Variants in MEI4 observed in about 807,000 individuals in gnomAD.
The protein encoded by MEI4 is meiosis-specific protein MEI4.
MEI4 carries 27 observed loss-of-function variants against 31.4 expected under a neutral mutation model. The ratio of observed to expected loss-of-function variants is 0.86; its 90% confidence interval spans 0.63 to 1.19. MEI4 has a LOEUF of 1.19. Ranked by LOEUF, MEI4 falls within the 50% of genes most tolerant of loss-of-function variation. The pLI, the probability that MEI4 is intolerant of heterozygous loss-of-function variation, is 0.00. For missense variants in MEI4, 329 were observed against 398.9 expected (o/e 0.82, Z 1.49); for synonymous variants, 122 against 145.4 (o/e 0.84, Z 1.16).
At position 77,882,232 on chromosome 6, in the gene MEI4, A is replaced by AC. The variant is rs373096298; in HGVS notation, c.901-40850dup. Reference sequence around the variant, plus strand: ...TCTTCCCATGGAATCAGAGTGCATCACCCCCCCAGTGTATCAGTGTGTTCA... The same window carrying AC: ...TCTTCCCATGGAATCAGAGTGCATCACCCCCCCCAGTGTATCAGTGTGTTCA... On this transcript the variant is annotated intron_variant, in intron 4 of 4. Transcript: ENST00000684080. 2.1e-3 allele frequency among the ~76,000 whole-genome samples: 323 copies of AC among 151,940 alleles called. 1 individual carries two copies. Among genetic ancestry groups the AC allele is most frequent in the African/African-American group, 7.6e-3 (313 of 41,398 alleles).
intron 2 of MEI4, among the ~76,000 whole-genome samples, chr6:77,727,018 G>A (rs567458285): frequency 6.6e-6 from 1 of 152,314 alleles, no homozygotes; most frequent in East Asian, 1.9e-4. Context: ...AGGGGGACAT[G>A]TGTTTAATAA....
At chr6:77,766,124 A>C (rs1466486530) in intron 3 of MEI4, among the ~76,000 whole-genome samples, 1 of 152,232 alleles carries the variant, frequency 6.6e-6, no homozygotes, top group Non-Finnish European at 1.5e-5. Context: ...CCACAGCTAC[A>C]GCTTCCAGTT....
intron 1 of MEI4, among the ~76,000 whole-genome samples, chr6:77,659,379 G>T (rs2127641689): frequency 6.6e-6 from 1 of 152,138 alleles, no homozygotes; most frequent in Non-Finnish European, 1.5e-5. Context: ...CTTGTGTGAG[G>T]CAAAACTGGA....
chr6:77,734,009 C>A (rs578057570), intron 2 of MEI4, among the ~76,000 whole-genome samples: 29 of 152,122 alleles, frequency 1.9e-4, no homozygotes, highest in African/African-American at 7.0e-4. Flanking sequence ...GTTATAATTT[C>A]TTTTCTTTTA....
chr6:77,872,312 G>A (rs1475640103), intron 4 of MEI4, among the ~76,000 whole-genome samples: 1 of 152,100 alleles, frequency 6.6e-6, no homozygotes, highest in African/African-American at 2.4e-5. Context: ...AGGCACAGTG[G>A]CATGCACCTG....
At chr6:77,677,376 G>A (rs1048697308) in intron 1 of MEI4, among the ~76,000 whole-genome samples, 4 of 151,998 alleles carry the variant, frequency 2.6e-5, no homozygotes, top group African/African-American at 4.8e-5. Context: ...CTTCCTGTAC[G>A]TCTCTTTTGT....
At chr6:77,659,873 T>C (rs1018815779) in intron 1 of MEI4, among the ~76,000 whole-genome samples, 4 of 152,100 alleles carry the variant, frequency 2.6e-5, no homozygotes, top group African/African-American at 9.7e-5. Flanking sequence ...TGCCGAGAGA[T>C]ACATAAAGGA....
At chr6:77,907,285 C>T (rs1266427161) in intron 4 of MEI4, among the ~76,000 whole-genome samples, 1 of 152,056 alleles carries the variant, frequency 6.6e-6, no homozygotes, top group African/African-American at 2.4e-5. Flanking sequence ...TATCCCTTCC[C>T]CCTCCCCGCA....
At chr6:77,864,088 CA>C (rs1222005166) in intron 4 of MEI4, among the ~76,000 whole-genome samples, 2 of 152,172 alleles carry the variant, frequency 1.3e-5, no homozygotes, top group Admixed American at 1.3e-4. Flanking sequence ...AAGCACTAAA[CA>C]TGGAAAGGAA....
At chr6:77,866,613 G>T (rs1461389416) in intron 4 of MEI4, among the ~76,000 whole-genome samples, 1 of 152,146 alleles carries the variant, frequency 6.6e-6, no homozygotes, top group East Asian at 1.9e-4. Context: ...CATGCTCATG[G>T]GTAGGAAGAA....
chr6:77,867,399 C>G (rs538309339), intron 4 of MEI4, among the ~76,000 whole-genome samples: 1 of 151,946 alleles, frequency 6.6e-6, no homozygotes, highest in Non-Finnish European at 1.5e-5. Context: ...ATCAACAAGT[C>G]GGCGAAGGAT....
chr6:77,837,753 C>T (rs1475286734), intron 4 of MEI4, among the ~76,000 whole-genome samples: 1 of 152,070 alleles, frequency 6.6e-6, no homozygotes, highest in Non-Finnish European at 1.5e-5. Flanking sequence ...AAATGGAATA[C>T]ATAATTGGAT....
At chr6:77,921,398 T>G (rs2127742864) in intron 4 of MEI4, among the ~76,000 whole-genome samples, 1 of 151,942 alleles carries the variant, frequency 6.6e-6, no homozygotes, top group South Asian at 2.1e-4. Flanking sequence ...GGTATTGGCT[T>G]AAGTGAATAT....
intron 2 of MEI4, among the ~76,000 whole-genome samples, chr6:77,748,073 A>G (rs1767662631): frequency 6.6e-6 from 1 of 152,166 alleles, no homozygotes; most frequent in South Asian, 2.1e-4. Flanking sequence ...GTCACAGGGT[A>G]GCATTCAGTG....
In MEI4 at chr6:77,925,526, A is replaced by T. The variant is rs895015403; in HGVS notation, c.*2180A>T. ...AGCAGTGAATTAATGAATGATTTAA[A>T]CTGGTATTACAATGTTTAAGAATGT... On this transcript the variant is annotated 3_prime_UTR_variant, in exon 5 of 5. Coordinates refer to ENST00000684080, the MANE Select transcript of MEI4 (RefSeq NM_001322247.2). 2.0e-5 allele frequency: 3 copies of T among 151,688 alleles called. No homozygotes were observed. Among genetic ancestry groups the T allele is most frequent in the African/African-American group, 7.3e-5 (3 of 41,352 alleles). 9.4% of individuals were successfully genotyped at this position (151,688 alleles called of 1,614,324 possible).
intron 4 of MEI4, among the ~76,000 whole-genome samples, chr6:77,886,575 C>T (rs1771625019): frequency 6.6e-6 from 1 of 151,978 alleles, no homozygotes; most frequent in South Asian, 2.1e-4. Context: ...GAATTACAGG[C>T]ACCCACAACC....
At chr6:77,709,905 A>C (rs958803310) in intron 2 of MEI4, among the ~76,000 whole-genome samples, 2 of 152,134 alleles carry the variant, frequency 1.3e-5, no homozygotes, top group Admixed American at 1.3e-4. Context: ...ACCACAATGC[A>C]TCTTCTCCTA....
chr6:77,803,208 T>C (rs1202278637), intron 3 of MEI4, among the ~76,000 whole-genome samples: 2 of 152,222 alleles, frequency 1.3e-5, no homozygotes, highest in African/African-American at 2.4e-5. Context: ...TCTTCTCACT[T>C]CATTTCATTC....
At chr6:77,752,018 C>A (rs1310522799) in intron 2 of MEI4, among the ~76,000 whole-genome samples, 1 of 152,086 alleles carries the variant, frequency 6.6e-6, no homozygotes, top group African/African-American at 2.4e-5. Context: ...ATGACAAAAA[C>A]CACATGATTA....
Sources: allele counts gnomAD v4.1 joint callset (sites outside exome capture counted in the v4.1 genomes callset), GRCh38; gene constraint gnomAD v4.1.1; transcripts MANE v1.5; gene names NCBI Gene and HGNC (gene_info 2026-07-23, HGNC 2026-07-21).